Variants in EXOC4 observed in about 807,000 individuals in gnomAD.
EXOC4 encodes the protein exocyst complex component 4.
EXOC4 carries 71 observed loss-of-function variants against 107.2 expected under a neutral mutation model. The ratio of observed to expected loss-of-function variants is 0.66; its 90% CI spans 0.55 to 0.81. EXOC4 has a LOEUF of 0.81. Among genes scored for constraint, EXOC4 ranks in the 30% least tolerant of loss-of-function variants. The pLI is 0.00. For missense variants in EXOC4, 1,108 were observed against 1,189.6 expected (o/e 0.93, Z 1.01); for synonymous variants, 456 against 441.2 (o/e 1.03, Z -0.42).
intron 11 of EXOC4, among the ~76,000 whole-genome samples, chr7:133,857,320 T>C (rs1280590561): frequency 1.1e-4 from 1 of 9,306 alleles, no homozygotes; most frequent in Non-Finnish European, 1.6e-4. Flanking sequence ...TATATATATA[T>C]ACACGTATAT....
chr7:133,271,180 A>T (rs68122915), intron 1 of EXOC4, among the ~76,000 whole-genome samples: 46,889 of 151,854 alleles, frequency 0.31, 8,027 homozygotes, highest in African/African-American at 0.46. Context: ...GGCCTCCCAA[A>T]ATGCTGGGAT....
intron 9 of EXOC4, among the ~76,000 whole-genome samples, chr7:133,513,955 A>G (rs1302713442): frequency 6.6e-6 from 1 of 152,198 alleles, no homozygotes; most frequent in Non-Finnish European, 1.5e-5. Context: ...GTGTTTTCCT[A>G]GCACATTGTG....
intron 11 of EXOC4, among the ~76,000 whole-genome samples, chr7:133,887,668 G>A (rs1221629595): frequency 6.6e-6 from 1 of 152,176 alleles, no homozygotes; most frequent in East Asian, 1.9e-4. Flanking sequence ...GTTATCAATA[G>A]CATACTTGGG....
intron 15 of EXOC4, among the ~76,000 whole-genome samples, chr7:134,000,575 T>C (rs978970808): frequency 2.0e-5 from 3 of 152,158 alleles, no homozygotes; most frequent in Admixed American, 2.0e-4. Flanking sequence ...AGAAAATGAA[T>C]TGGTTTGCAG....
Position 133,631,384 on chromosome 7 carries a change from G to A in EXOC4, c.1514+1243G>A, listed in dbSNP as rs78110040. 4.8e-3 allele frequency among the ~76,000 whole-genome samples: 729 copies of A among 151,930 alleles called. 3 individuals carry two copies. The highest frequency in any genetic ancestry group is 0.017 in the Middle Eastern group (5 of 294). On this transcript the variant is annotated intron_variant, in intron 10 of 17. Transcript: ENST00000253861. ...CAATTATCCTACCTTCTCATTAACC[G>A]AGACTTACTAAATTGATACCATTAG...
At chr7:134,002,289 T>C (rs1014423669) in intron 15 of EXOC4, among the ~76,000 whole-genome samples, 5 of 152,142 alleles carry the variant, frequency 3.3e-5, no homozygotes, top group Non-Finnish European at 7.4e-5. Context: ...ATGAACTGCT[T>C]ATAAGAATAT....
At chr7:133,459,577 G>A (rs942903649) in intron 7 of EXOC4, among the ~76,000 whole-genome samples, 22 of 152,184 alleles carry the variant, frequency 1.4e-4, no homozygotes, top group African/African-American at 4.3e-4. Context: ...GCAGACATGC[G>A]TAGTATAATT....
At chr7:133,694,488 C>T (rs904156536) in intron 10 of EXOC4, among the ~76,000 whole-genome samples, 11 of 152,114 alleles carry the variant, frequency 7.2e-5, no homozygotes, top group Non-Finnish European at 4.4e-5. Context: ...CTAAAAGAAA[C>T]AGAGTTGTTT....
At chr7:133,540,555 A>G (rs1800360785) in intron 9 of EXOC4, among the ~76,000 whole-genome samples, 1 of 152,198 alleles carries the variant, frequency 6.6e-6, no homozygotes, top group Non-Finnish European at 1.5e-5. Flanking sequence ...TTCACTTTCA[A>G]ATTTACAAAC....
chr7:133,984,527 A>G (rs564141804), intron 14 of EXOC4, among the ~76,000 whole-genome samples: 5 of 152,360 alleles, frequency 3.3e-5, no homozygotes, highest in African/African-American at 1.2e-4. Flanking sequence ...AAATGGTTAT[A>G]AAACTCTTTG....
chr7:133,306,012 A>C lies in EXOC4; in HGVS notation c.607A>C (p.Lys203Gln). The C allele has an allele frequency of 1.2e-6, 2 of 1,613,726 alleles. No homozygotes were observed. The highest frequency in any genetic ancestry group is 1.7e-6 in the Non-Finnish European group (2 of 1,179,828). Residue 203 changes from lysine to glutamine, a missense_variant, in exon 4 of 18, where the codon AAA becomes CAA. Coordinates refer to ENST00000253861, the MANE Select transcript of EXOC4 (RefSeq NM_021807.4). ...TGAACTACACCGGCACCTGTACATC[A>C]AATCGACTAGCCGAGTTGTGCAGCG... ...IDELHRHLYI[K>Q]STSRVVQRNK... is the part of the protein sequence containing the mutation.
chr7:133,677,181 T>C (rs1794082099), intron 10 of EXOC4, among the ~76,000 whole-genome samples: 1 of 152,046 alleles, frequency 6.6e-6, no homozygotes, highest in South Asian at 2.1e-4. Context: ...ATGTTTTGAG[T>C]TTTAGGAAAA....
intron 10 of EXOC4, among the ~76,000 whole-genome samples, chr7:133,684,438 T>C (rs1794251576): frequency 1.3e-5 from 2 of 152,172 alleles, no homozygotes; most frequent in Admixed American, 1.3e-4. Flanking sequence ...ACTTTGACTT[T>C]TTAATAATTT....
At chr7:133,490,048 T>C (rs1799342277) in intron 9 of EXOC4, among the ~76,000 whole-genome samples, 1 of 152,126 alleles carries the variant, frequency 6.6e-6, no homozygotes, top group Non-Finnish European at 1.5e-5. Context: ...CCAGCCTGTG[T>C]GTGAAGGTGT....
chr7:133,979,193 T>C (rs980921893), intron 14 of EXOC4, among the ~76,000 whole-genome samples: 3 of 152,162 alleles, frequency 2.0e-5, no homozygotes, highest in Middle Eastern at 3.2e-3. Context: ...TCTCTTCAGG[T>C]GAATATAACA....
intron 10 of EXOC4, among the ~76,000 whole-genome samples, chr7:133,765,053 A>G (rs889472791): frequency 3.9e-5 from 6 of 152,090 alleles, no homozygotes; most frequent in Non-Finnish European, 7.4e-5. Flanking sequence ...TCTACAACCA[A>G]TGAAGTCCTA....
intron 10 of EXOC4, among the ~76,000 whole-genome samples, chr7:133,700,070 T>G (rs969651592): frequency 3.9e-5 from 6 of 152,164 alleles, no homozygotes; most frequent in African/African-American, 1.4e-4. Flanking sequence ...CCAGCTACAA[T>G]CCACATGACA....
At chr7:133,357,706 A>G (rs1456271894) in intron 6 of EXOC4, among the ~76,000 whole-genome samples, 5 of 152,212 alleles carry the variant, frequency 3.3e-5, no homozygotes, top group African/African-American at 4.8e-5. Flanking sequence ...AGAGTTCTCT[A>G]TAGACTTATT....
intron 7 of EXOC4, among the ~76,000 whole-genome samples, chr7:133,406,028 T>C (rs1459175963): frequency 6.6e-6 from 1 of 152,230 alleles, no homozygotes; most frequent in Non-Finnish European, 1.5e-5. Context: ...TGTCCATTAT[T>C]TGCAAAAACA....
Sources: gnomAD v4.1 joint callset for allele counts (sites outside exome capture counted in the v4.1 genomes callset) on GRCh38, gnomAD v4.1.1 for gene constraint, MANE v1.5 for transcripts, NCBI Gene and HGNC (gene_info 2026-07-23, HGNC 2026-07-21) for gene names.